Variants in DPP6 observed in about 807,000 individuals in gnomAD.
DPP6 encodes the protein dipeptidyl peptidase like 6.
A neutral mutation model predicts 122.6 loss-of-function variants in DPP6; 69 were observed. The ratio of observed to expected loss-of-function variants is 0.56; its 90% CI spans 0.46 to 0.69. The LOEUF is 0.69. Among genes scored for constraint, DPP6 ranks in the 30% least tolerant of loss-of-function variants. The pLI is 0.00. For synonymous variants in DPP6, 418 were observed against 433.1 expected (o/e 0.97, Z 0.43); for missense variants, 928 against 1,116.9 (o/e 0.83, Z 2.41).
chr7:153,962,672 T>G lies in DPP6; in HGVS notation c.51+74938T>G, dbSNP rs71545667. 5.6e-3 allele frequency among the ~76,000 whole-genome samples: 857 copies of G among 152,188 alleles called. 5 individuals are homozygous for G. Among genetic ancestry groups the G allele is most frequent in the African/African-American group, 0.015 (630 of 41,526 alleles). On this transcript the variant is annotated intron_variant, in intron 1 of 25. Transcript: ENST00000404039. Reference sequence around the variant, plus strand: ...GTAAACCTGTCAAGAAGCCAACACATTATTTGCTCCTCCAAATGTTCTTGT... The same window carrying G: ...GTAAACCTGTCAAGAAGCCAACACAGTATTTGCTCCTCCAAATGTTCTTGT...
At chr7:154,531,517 A>G (rs1425446557) in intron 3 of DPP6, among the ~76,000 whole-genome samples, 1 of 152,218 alleles carries the variant, frequency 6.6e-6, no homozygotes, top group Non-Finnish European at 1.5e-5. Context: ...GCAGACCCAT[A>G]CAAAAAGAAA....
chr7:154,111,621 G>A (rs1361464004), intron 1 of DPP6, among the ~76,000 whole-genome samples: 1 of 23,142 alleles, frequency 4.3e-5, no homozygotes, highest in South Asian at 8.2e-4. Context: ...GCAGGGTTTC[G>A]TGTGTGTGTG....
upstream of DPP6, among the ~76,000 whole-genome samples, chr7:153,886,025 G>A (rs184265620): frequency 4.2e-3 from 634 of 151,552 alleles, 21 homozygotes; most frequent in Admixed American, 0.04. Flanking sequence ...AGATTTTTTT[G>A]TGAATGTAAA....
the DPP6 span, among the ~76,000 whole-genome samples, chr7:153,820,159 A>G: frequency 6.6e-6 from 1 of 152,184 alleles, no homozygotes; most frequent in Non-Finnish European, 1.5e-5. Context: ...TGATTTTGGA[A>G]CAGAAAGTCA....
chr7:154,573,604 C>G (rs1057217971), intron 5 of DPP6, among the ~76,000 whole-genome samples: 1 of 152,206 alleles, frequency 6.6e-6, no homozygotes, highest in Non-Finnish European at 1.5e-5. Context: ...AAATAATGGT[C>G]CAGATTGTTT....
At chr7:154,176,787 C>T (rs539165741) in intron 1 of DPP6, among the ~76,000 whole-genome samples, 3 of 152,336 alleles carry the variant, frequency 2.0e-5, no homozygotes, top group East Asian at 3.9e-4. Context: ...CAGGGACACA[C>T]TTCCTTCCAT....
At chr7:154,217,781 C>T (rs1341144389) in intron 1 of DPP6, among the ~76,000 whole-genome samples, 1 of 152,090 alleles carries the variant, frequency 6.6e-6, no homozygotes, top group Non-Finnish European at 1.5e-5. Flanking sequence ...CATGTCCTGC[C>T]CAGCTCAGGG....
At chr7:154,338,213 T>G (rs911676184) in intron 1 of DPP6, among the ~76,000 whole-genome samples, 2 of 152,184 alleles carry the variant, frequency 1.3e-5, no homozygotes, top group African/African-American at 2.4e-5. Context: ...TCACTCCAAA[T>G]TGGACTCTCC....
At chr7:154,089,997 G>A (rs1197604328) in intron 1 of DPP6, among the ~76,000 whole-genome samples, 1 of 152,222 alleles carries the variant, frequency 6.6e-6, no homozygotes, top group Non-Finnish European at 1.5e-5. Context: ...AGACTGTTTT[G>A]TTGTAAATAC....
chr7:154,245,154 T>C (rs887402751), intron 1 of DPP6, among the ~76,000 whole-genome samples: 7 of 151,510 alleles, frequency 4.6e-5, no homozygotes, highest in Non-Finnish European at 7.4e-5. Flanking sequence ...GGTTTCAACA[T>C]GTTGGCCAGG....
chr7:154,711,330 G>A (rs1163043440), intron 7 of DPP6, among the ~76,000 whole-genome samples: 1 of 152,142 alleles, frequency 6.6e-6, no homozygotes, highest in African/African-American at 2.4e-5. Flanking sequence ...TTGAGGCCAG[G>A]AGTCTGAGAC....
intron 1 of DPP6, among the ~76,000 whole-genome samples, chr7:154,289,264 C>G (rs1174926518): frequency 6.6e-6 from 1 of 152,194 alleles, no homozygotes; most frequent in Admixed American, 6.5e-5. Context: ...CATCCGGACC[C>G]TGGCTGCTCA....
chr7:154,224,668 T>A (rs1800493235), intron 1 of DPP6, among the ~76,000 whole-genome samples: 1 of 149,398 alleles, frequency 6.7e-6, no homozygotes, highest in Non-Finnish European at 1.5e-5. Context: ...GGTTTCAAAA[T>A]GGAAATCACA....
chr7:154,695,618 G>T (rs1324296053), intron 7 of DPP6, among the ~76,000 whole-genome samples: 1 of 152,146 alleles, frequency 6.6e-6, no homozygotes, highest in Non-Finnish European at 1.5e-5. Context: ...GTTCTGGAAG[G>T]CTTCCTCCAG....
rs1799349158 is a variant in DPP6 at position 154,033,226 on chromosome 7, A to T, written c.51+145492A>T. Among the ~76,000 whole-genome samples the T allele has an allele frequency of 2.6e-5, 4 of 152,206 alleles. No homozygotes were observed. The South Asian group carries it at 8.3e-4, about 31-fold the overall frequency. ...GGTTTTACTGTGTTGTGTGCTGTGG[A>T]TGGGTTACTATATCCTTTGACATAA... On this transcript the variant is annotated intron_variant, in intron 1 of 25. Coordinates refer to the DPP6 transcript ENST00000404039.
At chr7:154,754,083 G>T (rs776745914) in intron 8 of DPP6, among the ~76,000 whole-genome samples, 1 of 151,872 alleles carries the variant, frequency 6.6e-6, no homozygotes, top group East Asian at 1.9e-4. Flanking sequence ...CATTGTTTTT[G>T]ATATCCATTA....
chr7:153,860,663 AAAG>A, the DPP6 span, among the ~76,000 whole-genome samples: 1 of 151,120 alleles, frequency 6.6e-6, no homozygotes, highest in African/African-American at 2.5e-5. Context: ...AAAAAAAAAA[AAAG>A]GGGCCCTGTA....
chr7:154,423,398 G>T (rs1410594934), intron 1 of DPP6, among the ~76,000 whole-genome samples: 1 of 152,140 alleles, frequency 6.6e-6, no homozygotes, highest in East Asian at 1.9e-4. Context: ...TCTGTCCTCA[G>T]GTGTCAGCTG....
intron 7 of DPP6, among the ~76,000 whole-genome samples, chr7:154,689,931 C>T (rs1272767117): frequency 1.3e-5 from 2 of 152,060 alleles, no homozygotes; most frequent in Non-Finnish European, 2.9e-5. Context: ...ATAGAGAAAC[C>T]TTCTTTGGAA....
Sources: allele counts gnomAD v4.1 joint callset (sites outside exome capture counted in the v4.1 genomes callset), GRCh38; gene constraint gnomAD v4.1.1; transcripts MANE v1.5; gene names NCBI Gene and HGNC (gene_info 2026-07-23, HGNC 2026-07-21).